Variants in SLC30A5 observed in about 807,000 individuals in gnomAD.
SLC30A5 encodes proton-coupled zinc antiporter SLC30A5.
SLC30A5 carries 33 observed loss-of-function variants against 79.6 expected under a neutral mutation model. The ratio of observed to expected loss-of-function variants is 0.41; its 90% CI spans 0.31 to 0.55. The LOEUF (loss-of-function observed/expected upper bound fraction) is 0.55. SLC30A5 is among the 20% of genes least tolerant of loss of function. The pLI is 0.20. For synonymous variants in SLC30A5, 299 were observed against 319.7 expected (o/e 0.94, Z 0.69); for missense variants, 788 against 928.1 (o/e 0.85, Z 1.96).
At chr5:69,112,024 G>T (rs192922805) in intron 5 of SLC30A5, among the ~76,000 whole-genome samples, 1 of 152,208 alleles carries the variant, frequency 6.6e-6, no homozygotes, top group African/African-American at 2.4e-5. Context: ...GTTTAGCCAG[G>T]CACAGTGGCT....
At chr5:69,100,743 C>A in intron 1 of SLC30A5, 64 bp from the exon 2 acceptor site, 1 of 1,417,178 alleles carries the variant, frequency 7.1e-7, no homozygotes, top group Non-Finnish European at 9.7e-7. Context: ...GTTTAAAAAA[C>A]CAGATTGATG....
intron 6 of SLC30A5, among the ~76,000 whole-genome samples, chr5:69,114,172 A>G (rs562152572): frequency 6.6e-6 from 1 of 152,322 alleles, no homozygotes; most frequent in South Asian, 2.1e-4. Context: ...AAGCACTATT[A>G]TAATTGTTTT....
At chr5:69,125,005 A>G (rs1323785235) in intron 14 of SLC30A5, among the ~76,000 whole-genome samples, 1 of 152,274 alleles carries the variant, frequency 6.6e-6, no homozygotes, top group Non-Finnish European at 1.5e-5. Context: ...TTCATTAACA[A>G]GTATAAAACA....
intron 14 of SLC30A5, among the ~76,000 whole-genome samples, chr5:69,126,544 C>A: frequency 6.6e-6 from 1 of 152,200 alleles, no homozygotes. Context: ...GGGCGGATCA[C>A]AAGGTCAGGA....
chr5:69,124,839 G>A (rs1288635202), intron 14 of SLC30A5, among the ~76,000 whole-genome samples: 1 of 152,000 alleles, frequency 6.6e-6, no homozygotes, highest in African/African-American at 2.4e-5. Context: ...CAAAGTGCTG[G>A]GATTACAGGT....
chr5:69,110,745 A>T (rs932885092), intron 5 of SLC30A5, among the ~76,000 whole-genome samples: 4 of 152,222 alleles, frequency 2.6e-5, no homozygotes, highest in Admixed American at 1.3e-4. Context: ...AAAAACTAAC[A>T]ACAAAAATTG....
At chr5:69,105,094 A>G (rs940860264) in intron 4 of SLC30A5, among the ~76,000 whole-genome samples, 2 of 152,244 alleles carry the variant, frequency 1.3e-5, no homozygotes, top group South Asian at 2.1e-4. Flanking sequence ...AATCTCTAAA[A>G]GCACTCATTT....
intron 14 of SLC30A5, among the ~76,000 whole-genome samples, chr5:69,125,870 CAAAAAAAAAAAAAAAAAA>C (rs532994254): frequency 1.8e-5 from 1 of 54,232 alleles, no homozygotes; most frequent in African/African-American, 8.8e-5. Flanking sequence ...GACTCCGTCT[CAAAAAAAAAAAAAAAAAA>C]AAAAAAAATT....
At chr5:69,121,433 AC>A (rs1352775768) in intron 12 of SLC30A5, among the ~76,000 whole-genome samples, 2 of 152,174 alleles carry the variant, frequency 1.3e-5, no homozygotes, top group Non-Finnish European at 2.9e-5. Context: ...TAAACCAAGT[AC>A]ATACCATTCT....
At chr5:69,108,272 C>A in intron 4 of SLC30A5, 77 bp from the exon 5 acceptor site, 1 of 1,115,314 alleles carries the variant, frequency 9.0e-7, no homozygotes, top group Non-Finnish European at 1.3e-6. Flanking sequence ...GTTTTTCTTT[C>A]TCTAACTCTA....
chr5:69,102,907 C>A, intron 2 of SLC30A5, 155 bp from the exon 3 acceptor site: 17 of 327,402 alleles, frequency 5.2e-5, no homozygotes, highest in Non-Finnish European at 5.8e-5. Context: ...AGGAGTTTTA[C>A]TAAAATAAGT....
In SLC30A5 at chr5:69,114,472, C is replaced by T. The variant is rs758435619; in HGVS notation, c.588C>T (p.Ala196=). 2 of 1,605,380 alleles carry T rather than the reference C, an allele frequency of 1.2e-6. No homozygotes were observed. Among genetic ancestry groups the T allele is most frequent in the South Asian group, 2.2e-5 (2 of 90,916 alleles). Residue 196 remains alanine, a synonymous_variant, in exon 7 of 16, where the codon GCC becomes GCT. Coordinates refer to ENST00000396591, the MANE Select transcript of SLC30A5 (RefSeq NM_022902.5). Reference sequence around the variant, plus strand: ...CTCATATGCTTTACACAGCCATTGCCTTCTTAGGTGTGGCAGATCACAAGG... The same window carrying T: ...CTCATATGCTTTACACAGCCATTGCTTTCTTAGGTGTGGCAGATCACAAGG... ...ALTHMLYTAI[A]FLGVADHKGG... is the part of the protein sequence containing the mutation.
At chr5:69,111,087 A>G (rs906711317) in intron 5 of SLC30A5, among the ~76,000 whole-genome samples, 8 of 150,836 alleles carry the variant, frequency 5.3e-5, no homozygotes, top group African/African-American at 2.0e-4. Context: ...TCCACCTCCC[A>G]GGTTCAAGCA....
rs1303246254 is a variant in SLC30A5 at position 69,130,959 on chromosome 5, A to G, written c.*1342A>G. 6.6e-6 allele frequency: 1 copy of G among 152,148 alleles called. No homozygotes were observed. The highest frequency in any genetic ancestry group is 1.5e-5 in the Non-Finnish European group (1 of 68,008). 9.4% of individuals were successfully genotyped at this position (152,148 alleles called of 1,614,324 possible). On this transcript the variant is annotated 3_prime_UTR_variant, in exon 16 of 16. Coordinates refer to ENST00000396591, the MANE Select transcript of SLC30A5 (RefSeq NM_022902.5). ...ATATTTTTGTCTTACCAATTTTAAT[A>G]TATGAGGGGTTTTAGAAATTTGTTG... is the stretch of plus-strand genomic sequence containing the variant.
At chr5:69,108,508 T>C in intron 5 of SLC30A5, 72 bp downstream of exon 5, 2 of 1,142,328 alleles carry the variant, frequency 1.8e-6, no homozygotes, top group Non-Finnish European at 2.6e-6. Context: ...AGGAATAAAA[T>C]CTTATCTTTC....
chr5:69,128,204 A>G, intron 15 of SLC30A5, 72 bp downstream of exon 15: 1 of 1,014,736 alleles, frequency 9.9e-7, no homozygotes, highest in Non-Finnish European at 1.4e-6. Flanking sequence ...CATAAGTTAT[A>G]TGGCTCAGTA....
At chr5:69,128,828 G>A (rs1185159448) in intron 15 of SLC30A5, among the ~76,000 whole-genome samples, 1 of 152,108 alleles carries the variant, frequency 6.6e-6, no homozygotes, top group Non-Finnish European at 1.5e-5. Context: ...AGTTACTAAA[G>A]CCCTGTTCTA....
chr5:69,100,674 C>T (rs1159404849), intron 1 of SLC30A5, 133 bp from the exon 2 acceptor site: 1 of 590,440 alleles, frequency 1.7e-6, no homozygotes, highest in Non-Finnish European at 2.8e-6. Context: ...TGTTTGGGGA[C>T]TCTGTTTTGT....
intron 4 of SLC30A5, among the ~76,000 whole-genome samples, chr5:69,106,675 C>T (rs530830860): frequency 3.8e-4 from 58 of 152,232 alleles, no homozygotes; most frequent in African/African-American, 1.3e-3. Flanking sequence ...GTGCTGCGTG[C>T]CTGTAATCCC....
Sources: allele counts gnomAD v4.1 joint callset (sites outside exome capture counted in the v4.1 genomes callset), GRCh38; gene constraint gnomAD v4.1.1; transcripts MANE v1.5; gene names NCBI Gene and HGNC (gene_info 2026-07-23, HGNC 2026-07-21).